The following PACSIN2 variants were observed in gnomAD, a reference collection of about 807,000 sequenced individuals.
PACSIN2 encodes protein kinase C and casein kinase substrate in neurons 2.
Under a neutral mutation model 63.8 loss-of-function variants are expected in PACSIN2, and 25 were observed. The ratio of observed to expected loss-of-function variants is 0.39; its 90% CI spans 0.29 to 0.55. The LOEUF is 0.55. PACSIN2 is among the 20% of genes least tolerant of loss of function. The pLI, the probability that PACSIN2 is intolerant of heterozygous loss-of-function variation, is 0.62. For missense variants in PACSIN2, 518 were observed against 646.9 expected, an observed-to-expected ratio of 0.80 and a Z score of 2.16; for synonymous variants, 255 against 256.2, an observed-to-expected ratio of 1.00 and a Z score of 0.05.
intron 1 of PACSIN2, among the ~76,000 whole-genome samples, chr22:42,923,481 G>A (rs1474408106): frequency 6.6e-6 from 1 of 152,126 alleles, no homozygotes; most frequent in African/African-American, 2.4e-5. Context: ...AGGCTGGAGT[G>A]CAGTGGCGTG....
rs773141432 is a variant in PACSIN2 at position 42,879,041 on chromosome 22, C to G, written c.1028+7G>C. ...GCCTCTTTTGGATGGAGGTGGCGCC[C>G]ACTCACCTGCTGGGCTTACTCGGCA... On this transcript the variant is annotated splice_region_variant and intron_variant, in intron 8 of 10. Transcript: ENST00000263246. 1.2e-6 allele frequency: 2 copies of G among 1,612,112 alleles called. No individual in the cohort carries two copies. Among genetic ancestry groups the G allele is most frequent in the East Asian group, 4.5e-5 (2 of 44,852 alleles).
intron 1 of PACSIN2, among the ~76,000 whole-genome samples, chr22:42,954,993 T>C (rs1933853044): frequency 6.6e-6 from 1 of 152,178 alleles, no homozygotes; most frequent in African/African-American, 2.4e-5. Context: ...TCCTTGCCTT[T>C]GCATATATTG....
In PACSIN2 at chr22:42,876,334, C is replaced by T. The variant is rs1052652463; in HGVS notation, c.1152-1G>A. ...CTGGGTCTTCTCGTAGCTGCTCACA[C>T]TGCAAGAAAGGGGAGGCCACAGGGC... On this transcript the variant is annotated splice_acceptor_variant, in intron 9 of 10. Coordinates refer to ENST00000263246, the MANE Select transcript of PACSIN2 (RefSeq NM_001184970.3). LOFTEE classifies it high-confidence loss of function. The T allele has an allele frequency of 6.2e-7, 1 of 1,612,486 alleles. No individual in the cohort carries two copies. Among genetic ancestry groups the T allele is most frequent in the African/African-American group, 1.3e-5 (1 of 74,912 alleles).
intron 1 of PACSIN2, among the ~76,000 whole-genome samples, chr22:42,950,323 T>C (rs1489814175): frequency 2.1e-5 from 1 of 46,708 alleles, no homozygotes; most frequent in East Asian, 5.7e-4. Flanking sequence ...TGGAGGGTCC[T>C]GGAACAATCC....
intron 2 of PACSIN2, among the ~76,000 whole-genome samples, chr22:42,906,779 G>T (rs552947871): frequency 6.6e-6 from 1 of 152,246 alleles, no homozygotes; most frequent in South Asian, 2.1e-4. Context: ...ATAAGCATAA[G>T]AACCTTAAAC....
chr22:43,014,677 A>G (rs1201038266), intron 1 of PACSIN2, among the ~76,000 whole-genome samples: 2 of 145,126 alleles, frequency 1.4e-5, no homozygotes, highest in African/African-American at 5.2e-5. Context: ...TTAACCCCCG[A>G]CGGCCCTGCT....
At chr22:42,949,863 A>G (rs1286603382) in intron 1 of PACSIN2, among the ~76,000 whole-genome samples, 1 of 152,246 alleles carries the variant, frequency 6.6e-6, no homozygotes, top group Non-Finnish European at 1.5e-5. Flanking sequence ...AAGCCAAGGA[A>G]ATTGATTTTA....
intron 1 of PACSIN2, among the ~76,000 whole-genome samples, chr22:42,982,897 C>A (rs748455656): frequency 0.045 from 3,406 of 76,206 alleles, 132 homozygotes; most frequent in East Asian, 0.23. Flanking sequence ...AAAACAACAA[C>A]AAGGCTAGGA....
intron 1 of PACSIN2, among the ~76,000 whole-genome samples, chr22:42,984,473 T>C (rs1922469579): frequency 6.6e-6 from 1 of 152,084 alleles, no homozygotes; most frequent in Non-Finnish European, 1.5e-5. Context: ...AAAACACTGG[T>C]CCCATCTTGC....
intron 6 of PACSIN2, among the ~76,000 whole-genome samples, chr22:42,884,152 G>A (rs556515163): frequency 3.1e-4 from 47 of 152,166 alleles, no homozygotes; most frequent in Non-Finnish European, 5.9e-4. Flanking sequence ...GCAATTGGCC[G>A]GGTCAACCAG....
At chr22:42,929,369 T>C (rs1252515080) in intron 1 of PACSIN2, among the ~76,000 whole-genome samples, 1 of 152,264 alleles carries the variant, frequency 6.6e-6, no homozygotes, top group Non-Finnish European at 1.5e-5. Context: ...TATTTGTATC[T>C]TGCAAAACCA....
At chr22:42,981,593 T>C (rs1922140310) in intron 1 of PACSIN2, among the ~76,000 whole-genome samples, 1 of 117,446 alleles carries the variant, frequency 8.5e-6, no homozygotes, top group Non-Finnish European at 1.8e-5. Context: ...CGGCTGCCCC[T>C]ACTGGGAAGT....
chr22:42,981,679 C>G (rs1478487994), intron 1 of PACSIN2, among the ~76,000 whole-genome samples: 2 of 121,900 alleles, frequency 1.6e-5, no homozygotes, highest in Non-Finnish European at 3.6e-5. Flanking sequence ...GGCCAGCCGC[C>G]CCGTCCGGGA....
intron 2 of PACSIN2, among the ~76,000 whole-genome samples, chr22:42,899,130 TG>T (rs1930495070): frequency 6.6e-6 from 1 of 152,168 alleles, no homozygotes; most frequent in African/African-American, 2.4e-5. Flanking sequence ...TGTGGACCTG[TG>T]TCTTCCTAAT....
At position 42,891,184 on chromosome 22, in the gene PACSIN2, T is replaced by G. The variant is rs1168363752; in HGVS notation, c.218-2A>C. The G allele has an allele frequency of 1.2e-6, 2 of 1,608,126 alleles. No homozygotes were observed. The highest frequency in any genetic ancestry group is 8.5e-7 in the Non-Finnish European group (1 of 1,175,560). On this transcript the variant is annotated splice_acceptor_variant, in intron 3 of 10. Transcript: ENST00000263246. LOFTEE classifies it high-confidence loss of function. ...TCTCCACGGTCCCGTACTGGGGCCC[T>G]GTGCAGGGGAGAGAAGCTGCGGGTC... is the stretch of plus-strand genomic sequence containing the variant.
rs149158393 is a variant in PACSIN2, at chr22:42,932,094, G to A, written c.-77-19937C>T. Among the ~76,000 whole-genome samples, 6 of 152,064 alleles carry A rather than the reference G, an allele frequency of 3.9e-5. No individual in the cohort carries two copies. In the East Asian group the frequency reaches 1.2e-3, roughly 29 times the overall value. Reference sequence around the variant, plus strand: ...TGTACTGCAAATCCCGTCATGACCCGGCCCCTGCCTGCCCTTCCACCCATT... The same window carrying A: ...TGTACTGCAAATCCCGTCATGACCCAGCCCCTGCCTGCCCTTCCACCCATT... On this transcript the variant is annotated intron_variant, in intron 1 of 10. Coordinates refer to ENST00000263246, the MANE Select transcript of PACSIN2 (RefSeq NM_001184970.3).
intron 1 of PACSIN2, among the ~76,000 whole-genome samples, chr22:43,009,439 G>A (rs1924308629): frequency 6.6e-6 from 1 of 152,224 alleles, no homozygotes; most frequent in African/African-American, 2.4e-5. Context: ...GTGAGAGGGA[G>A]CTTAGAGATG....
chr22:42,898,235 C>G (rs906838948), intron 2 of PACSIN2, among the ~76,000 whole-genome samples: 1 of 151,946 alleles, frequency 6.6e-6, no homozygotes, highest in Admixed American at 6.6e-5. Flanking sequence ...CCTGCCTTCT[C>G]CAGGCTGTGC....
chr22:42,991,248 C>G (rs960156657), intron 1 of PACSIN2, among the ~76,000 whole-genome samples: 2 of 152,208 alleles, frequency 1.3e-5, no homozygotes, highest in African/African-American at 4.8e-5. Flanking sequence ...TTAACCCCTC[C>G]CACCCCCATC....
Sources: gnomAD v4.1 joint callset for allele counts (sites outside exome capture counted in the v4.1 genomes callset) on GRCh38, gnomAD v4.1.1 for gene constraint, MANE v1.5 for transcripts, NCBI Gene and HGNC (gene_info 2026-07-23, HGNC 2026-07-21) for gene names.